DPY19L1: variants seen among roughly 807,000 people sequenced by gnomAD.
DPY19L1 encodes the protein protein C-mannosyl-transferase DPY19L1.
DPY19L1 carries 35 observed loss-of-function variants against 96.9 expected under a neutral mutation model. The observed-to-expected ratio is 0.36, with a 90% CI of 0.28 to 0.48. The LOEUF is 0.48. Ranked by LOEUF, DPY19L1 falls within the 20% of genes least tolerant of loss-of-function variation. The pLI is 0.99. For missense variants in DPY19L1, 521 were observed against 777.9 expected (o/e 0.67, Z 3.93); for synonymous variants, 205 against 252.6 (o/e 0.81, Z 1.79).
At position 34,957,996 on chromosome 7, in the gene DPY19L1, C is replaced by A; in HGVS notation, c.1167G>T (p.Leu389Phe). 1 of 1,574,640 alleles carries A rather than the reference C, an allele frequency of 6.4e-7. No homozygotes were observed. The highest frequency in any genetic ancestry group is 2.3e-5 in the East Asian group (1 of 43,948). The stretch of plus-strand genomic sequence containing the variant: ...AAGGAATACTTACCCAAATAATTAC[C>A]AAAGAAGAAGCATAATAAGAAGTTA... ...MLLTSYYASS[L>F]VIIWGILAMK... The change falls in exon 11 of 22, where the codon TTG becomes TTT. Residue 389 changes from leucine (L) to phenylalanine (F), a missense_variant. Physicochemically the swap from Leu to Phe is conservative, Grantham distance 22 (BLOSUM62 0). Coordinates refer to ENST00000638088, the MANE Select transcript of DPY19L1 (RefSeq NM_001366673.1).
chr7:34,932,578 T>A (rs1341309016), intron 21 of DPY19L1, among the ~76,000 whole-genome samples: 2 of 152,252 alleles, frequency 1.3e-5, no homozygotes, highest in East Asian at 3.8e-4. Context: ...GGACAGTCGA[T>A]ATTCTAGAAT....
intron 18 of DPY19L1, 89 bp from the exon 19 acceptor site, chr7:34,940,416 C>T (rs1410897287): frequency 9.1e-6 from 10 of 1,096,582 alleles, no homozygotes; most frequent in Non-Finnish European, 1.1e-5. Context: ...AAGAATAAGG[C>T]CTCTGCTAGA....
rs958585943 is a variant in DPY19L1, at chr7:34,947,848, G to A, written c.1423-147C>T. 6.1e-6 allele frequency: 4 copies of A among 657,190 alleles called. No individual in the cohort carries two copies. In the Admixed American group the frequency reaches 9.5e-5, roughly 16 times the overall value. 40.7% of individuals were successfully genotyped at this position (657,190 alleles called of 1,614,324 possible). A position where few individuals can be genotyped will look rare whatever the true frequency, so the allele number is the denominator to read the frequency against. On this transcript the variant is annotated intron_variant, in intron 14 of 21. Coordinates refer to ENST00000638088, the MANE Select transcript of DPY19L1 (RefSeq NM_001366673.1). ...ACTGACTGCCATCATAAAAAGGAAG[G>A]TGCATTTCCATAGAAATGAACTTCC...
intron 10 of DPY19L1, among the ~76,000 whole-genome samples, chr7:34,962,696 C>CA (rs1360647827): frequency 2.0e-5 from 3 of 151,222 alleles, no homozygotes; most frequent in South Asian, 2.1e-4. Context: ...GATCCTGTAT[C>CA]AAAAAAACAA....
At chr7:35,037,635 C>G (rs1202999102), upstream of DPY19L1, 2 of 223,452 alleles carry the variant, frequency 9.0e-6, no homozygotes, top group Non-Finnish European at 1.6e-5. Context: ...CCGTTGCCGC[C>G]GCTCCGGTTG....
rs373344830 is a variant in DPY19L1 at position 35,020,357 on chromosome 7, T to C, written c.299-1761A>G. ...TTGGGAAGAATTTACACGTTTACAA[T>C]ATAGAGCCTTCATATCCATAAATGT... is the stretch of plus-strand genomic sequence containing the variant. On this transcript the variant is annotated intron_variant, in intron 1 of 21. Coordinates refer to ENST00000638088, the MANE Select transcript of DPY19L1 (RefSeq NM_001366673.1). Among the ~76,000 whole-genome samples, 15 of 152,332 alleles carry C rather than the reference T, an allele frequency of 9.8e-5. No individual in the cohort carries two copies. The East Asian group carries it at 1.9e-3, about 20-fold the overall frequency.
chr7:34,950,225 T>C (rs948181839), intron 13 of DPY19L1, among the ~76,000 whole-genome samples: 6 of 152,194 alleles, frequency 3.9e-5, no homozygotes, highest in African/African-American at 1.2e-4. Context: ...CCAGCAGCTC[T>C]GGGCTTGGGA....
rs114577875 is a variant in DPY19L1, at chr7:34,947,533, C to T, written c.1494+97G>A. ...TATGTTACAGTAAGCCCATACAAAA[C>T]GTTGTATCAGATAAATGTGGCCAAG... On this transcript the variant is annotated intron_variant, in intron 15 of 21. Transcript: ENST00000638088. The T allele has an allele frequency of 1.1e-3, 1,045 of 942,334 alleles. 11 individuals carry two copies. In the African/African-American group the frequency reaches 0.015, roughly 14 times the overall value. 58.4% of individuals were successfully genotyped at this position (942,334 alleles called of 1,614,324 possible).
intron 6 of DPY19L1, among the ~76,000 whole-genome samples, chr7:34,994,406 T>C (rs1172667335): frequency 6.6e-6 from 1 of 152,186 alleles, no homozygotes; most frequent in Non-Finnish European, 1.5e-5. Context: ...AATGTAAAAT[T>C]TCCTTTTAAA....
At chr7:34,966,528 G>C (rs942326879) in intron 10 of DPY19L1, among the ~76,000 whole-genome samples, 1 of 152,150 alleles carries the variant, frequency 6.6e-6, no homozygotes, top group African/African-American at 2.4e-5. Flanking sequence ...CTGGCGTCAA[G>C]TGAACCCCAC....
chr7:34,941,794 C>T lies in DPY19L1; in HGVS notation c.1660G>A (p.Val554Ile). The part of the protein sequence containing the change: ...LKLFLTPHMC[V>I]MASLICSRQL... ...CTTGAGCAGATCAGTGATGCCATAA[C>T]ACACATGTGTGGTGTCAAGAAGAGT... Residue 554 changes from valine (V) to isoleucine (I), a missense_variant, in exon 18 of 22, where the codon GTT (valine) becomes ATT (isoleucine). Coordinates refer to ENST00000638088, the MANE Select transcript of DPY19L1 (RefSeq NM_001366673.1). The T allele has an allele frequency of 6.3e-7, 1 of 1,599,014 alleles. No homozygotes were observed. The highest frequency in any genetic ancestry group is 8.5e-7 in the Non-Finnish European group (1 of 1,175,412).
intron 14 of DPY19L1, among the ~76,000 whole-genome samples, chr7:34,948,550 T>C (rs1784201991): frequency 6.6e-6 from 1 of 152,206 alleles, no homozygotes; most frequent in Non-Finnish European, 1.5e-5. Context: ...GTTTTGCTAT[T>C]TTCTTCAAAT....
In DPY19L1 at chr7:34,942,643, G is replaced by C. The variant is rs764798168; in HGVS notation, c.1545-4C>G. On this transcript the variant is annotated splice_region_variant and splice_polypyrimidine_tract_variant and intron_variant, in intron 16 of 21. Transcript: ENST00000638088. ...TCCATGATCAAACTGGTGTTTTCTG[G>C]AACAGAAAAAAATATATTGCCATCA... is the stretch of plus-strand genomic sequence containing the variant. 2 of 1,584,844 alleles carry C rather than the reference G, an allele frequency of 1.3e-6. No homozygotes were observed. The highest frequency in any genetic ancestry group is 2.3e-5 in the East Asian group (1 of 44,190).
intron 8 of DPY19L1, 32 bp from the exon 9 acceptor site, chr7:34,969,564 T>C: frequency 8.0e-7 from 1 of 1,253,980 alleles, no homozygotes; most frequent in Non-Finnish European, 1.1e-6. Context: ...TTAGTAAGTT[T>C]AAACACGAAA....
chr7:34,941,981 A>G, intron 17 of DPY19L1, 97 bp from the exon 18 acceptor site: 1 of 1,187,368 alleles, frequency 8.4e-7, no homozygotes, highest in Non-Finnish European at 1.2e-6. Context: ...TCTCCTTAGT[A>G]ACAAAAAATA....
intron 7 of DPY19L1, among the ~76,000 whole-genome samples, chr7:34,976,114 G>C (rs901796859): frequency 6.6e-6 from 1 of 152,218 alleles, no homozygotes; most frequent in African/African-American, 2.4e-5. Context: ...AGCTGCTATA[G>C]TGATTCCTCT....
intron 1 of DPY19L1, among the ~76,000 whole-genome samples, chr7:35,029,332 C>T (rs778872425): frequency 1.4e-4 from 21 of 152,280 alleles, no homozygotes; most frequent in South Asian, 4.1e-4. Context: ...ATATGATCTG[C>T]TTCTGAGCAT....
intron 9 of DPY19L1, 119 bp from the exon 10 acceptor site, chr7:34,967,090 T>A (rs963494518): frequency 1.5e-6 from 1 of 669,422 alleles, no homozygotes; most frequent in African/African-American, 1.9e-5. Context: ...GTTCTTCTGT[T>A]TTCCTTTTAT....
chr7:35,016,605 G>A (rs1313237436), intron 3 of DPY19L1, among the ~76,000 whole-genome samples: 1 of 152,182 alleles, frequency 6.6e-6, no homozygotes, highest in Non-Finnish European at 1.5e-5. Context: ...TAGGCTGATG[G>A]CTAGGCTATA....
Sources: gnomAD v4.1 joint callset for allele counts (sites outside exome capture counted in the v4.1 genomes callset) on GRCh38, gnomAD v4.1.1 for gene constraint, MANE v1.5 for transcripts, NCBI Gene and HGNC (gene_info 2026-07-23, HGNC 2026-07-21) for gene names.